CCNL1: variants seen among roughly 807,000 people sequenced by gnomAD.
CCNL1 encodes the protein cyclin L1.
In CCNL1, 13 loss-of-function variants were observed where a neutral mutation model predicts 60.6. The observed-to-expected ratio is 0.21, with a 90% CI of 0.14 to 0.34. CCNL1 has a LOEUF of 0.34. CCNL1 is among the 10% of genes least tolerant of loss of function. The pLI is 1.00. For missense variants in CCNL1, 481 were observed against 664.3 expected (o/e 0.72, Z 3.03); for synonymous variants, 270 against 244.3 (o/e 1.10, Z -0.98).
At chr3:157,144,137 G>A (rs1737716916), downstream of CCNL1, among the ~76,000 whole-genome samples, 3 of 152,164 alleles carry the variant, frequency 2.0e-5, no homozygotes. Flanking sequence ...AAAGCAGAAG[G>A]GAGAAGAGGA....
downstream of CCNL1, among the ~76,000 whole-genome samples, chr3:157,144,528 A>G (rs1217216095): frequency 1.3e-5 from 2 of 152,248 alleles, no homozygotes; most frequent in Non-Finnish European, 2.9e-5. Flanking sequence ...GGAATGTTCA[A>G]ATGATTACAA....
chr3:157,145,775 T>C (rs531346860), downstream of CCNL1, among the ~76,000 whole-genome samples: 9 of 152,270 alleles, frequency 5.9e-5, no homozygotes, highest in Non-Finnish European at 1.0e-4. Context: ...TCTACCACTT[T>C]ACCACACAGT....
intron 5 of CCNL1, 140 bp downstream of exon 5, chr3:157,152,037 T>C: frequency 6.8e-7 from 1 of 1,478,500 alleles, no homozygotes; most frequent in East Asian, 2.4e-5. Flanking sequence ...TATTTACCTT[T>C]TGGTTAAAAA....
rs906107971 is a variant in CCNL1, at chr3:157,159,609, C to A, written c.304-130G>T. On this transcript the variant is annotated intron_variant, in intron 1 of 10. Coordinates refer to ENST00000295926, the MANE Select transcript of CCNL1 (RefSeq NM_020307.4). ...CGCCGCCGCTGCGAACAGCCCGCTG[C>A]CAAGTCCTCCCTCCGCCTCCGCAGC... is the stretch of plus-strand genomic sequence containing the variant. 7 of 1,011,572 alleles carry A rather than the reference C, an allele frequency of 6.9e-6. No homozygotes were observed. In the Middle Eastern group the frequency reaches 9.0e-4, roughly 130 times the overall value. The allele number at this position is 1,011,572 out of a possible 1,614,324, so 62.7% of individuals were successfully genotyped here.
intron 5 of CCNL1, 150 bp from the exon 6 acceptor site, chr3:157,150,531 CAAAA>C: frequency 7.2e-7 from 1 of 1,380,272 alleles, no homozygotes; most frequent in Non-Finnish European, 9.4e-7. Context: ...ACTCTTAACT[CAAAA>C]AAATCAGTAA....
At chr3:157,159,728 A>C (rs1394063259) in intron 1 of CCNL1, 64 bp downstream of exon 1, 1 of 1,362,610 alleles carries the variant, frequency 7.3e-7, no homozygotes, top group Non-Finnish European at 9.9e-7. Flanking sequence ...TGATACTGAG[A>C]TGCGGCGTAG....
downstream of CCNL1, among the ~76,000 whole-genome samples, chr3:157,143,299 T>C (rs1737698891): frequency 6.6e-6 from 1 of 152,206 alleles, no homozygotes; most frequent in East Asian, 1.9e-4. Context: ...ACCCCTAGGA[T>C]GTTGTTTACA....
At chr3:157,144,565 G>A (rs2108102236), downstream of CCNL1, among the ~76,000 whole-genome samples, 1 of 152,346 alleles carries the variant, frequency 6.6e-6, no homozygotes, top group South Asian at 2.1e-4. Flanking sequence ...AATGTTAAGT[G>A]TTCAAATGGT....
At chr3:157,151,475 A>G (rs1577071554) in intron 5 of CCNL1, 1 of 985,880 alleles carries the variant, frequency 1.0e-6, no homozygotes, top group East Asian at 1.1e-4. Context: ...TCTTGCTTCT[A>G]ATATTATTAC....
At chr3:157,154,664 A>G (rs1333063415) in intron 3 of CCNL1, 1 of 152,176 alleles carries the variant, frequency 6.6e-6, no homozygotes, top group Non-Finnish European at 1.5e-5. Flanking sequence ...TCTTCCATTT[A>G]AAATTATTAC....
downstream of CCNL1, among the ~76,000 whole-genome samples, chr3:157,147,164 A>G (rs953232840): frequency 6.6e-6 from 1 of 152,250 alleles, no homozygotes; most frequent in Admixed American, 6.5e-5. Context: ...GTGGACAATT[A>G]AAGTAGGTAA....
chr3:157,147,976 T>C lies in CCNL1; in HGVS notation c.*265A>G. On this transcript the variant is annotated 3_prime_UTR_variant, in exon 11 of 11. Coordinates refer to ENST00000295926, the MANE Select transcript of CCNL1 (RefSeq NM_020307.4). ...TTTACAGAATTCACGCTCCAGTTCT[T>C]ATAGCAATAAACAATACACAACTAT... is the stretch of plus-strand genomic sequence containing the variant. 3 of 1,186,092 alleles carry C rather than the reference T, an allele frequency of 2.5e-6. No individual in the cohort carries two copies. Among genetic ancestry groups the C allele is most frequent in the East Asian group, 4.0e-5 (1 of 25,092 alleles). 73.5% of individuals were successfully genotyped at this position (1,186,092 alleles called of 1,614,324 possible).
chr3:157,151,150 C>T (rs916133429), intron 5 of CCNL1: 34 of 984,150 alleles, frequency 3.5e-5, no homozygotes, highest in African/African-American at 5.2e-5. Context: ...TTTTATGCAA[C>T]ACATACTTAA....
At chr3:157,153,966 A>AG (rs1738398109) in intron 3 of CCNL1, 2 of 152,198 alleles carry the variant, frequency 1.3e-5, no homozygotes, top group African/African-American at 4.8e-5. Context: ...TGTAGTTATT[A>AG]GGCAACATGC....
chr3:157,146,943 A>G (rs1283483011), downstream of CCNL1, among the ~76,000 whole-genome samples: 1 of 152,190 alleles, frequency 6.6e-6, no homozygotes, highest in Admixed American at 6.5e-5. Context: ...ATCCTAATGA[A>G]TCTTAATCTC....
chr3:157,150,788 G>C, intron 5 of CCNL1: 1 of 990,998 alleles, frequency 1.0e-6, no homozygotes. Context: ...AATAAAAGCA[G>C]TGTCAACCAA....
intron 5 of CCNL1, 125 bp from the exon 6 acceptor site, chr3:157,150,506 T>C: frequency 2.1e-6 from 3 of 1,433,804 alleles, no homozygotes; most frequent in Non-Finnish European, 2.8e-6. Flanking sequence ...CATCCTCATA[T>C]TCTAGCATAT....
At chr3:157,150,220 T>C (rs750185785) in intron 6 of CCNL1, 51 bp from the exon 7 acceptor site, 31 of 1,609,716 alleles carry the variant, frequency 1.9e-5, no homozygotes, top group African/African-American at 1.3e-4. Context: ...TAAATCTGTA[T>C]TGGAACCACC....
At position 157,149,454 on chromosome 3, in the gene CCNL1, C is replaced by T; in HGVS notation, c.1133+31G>A. 1.9e-6 allele frequency: 3 copies of T among 1,610,028 alleles called. No individual in the cohort carries two copies. In the South Asian group the frequency reaches 3.3e-5, roughly 18 times the overall value. ...AAAAGTAAACACATAAAAGATTCCT[C>T]AAGCCAGTTTTCCAGCCCAAGTATA... On this transcript the variant is annotated intron_variant, in intron 9 of 10. Transcript: ENST00000295926.
Sources: allele counts gnomAD v4.1 joint callset (sites outside exome capture counted in the v4.1 genomes callset), GRCh38; gene constraint gnomAD v4.1.1; transcripts MANE v1.5; gene names NCBI Gene and HGNC (gene_info 2026-07-23, HGNC 2026-07-21).